The following PCDHA1 variants were observed in gnomAD, a reference collection of about 807,000 sequenced individuals.
PCDHA1 encodes the protein protocadherin alpha 1.
PCDHA1 carries 42 observed loss-of-function variants against 61.3 expected under a neutral mutation model. That is an observed-to-expected ratio of 0.69 (90% CI 0.54 to 0.89). PCDHA1 has a LOEUF of 0.89. Among genes scored for constraint, PCDHA1 ranks in the 40% least tolerant of loss-of-function variants. PCDHA1 has a pLI of 0.00. For missense variants in PCDHA1, 1,256 were observed against 1,235.3 expected, an observed-to-expected ratio of 1.02 and a Z score of -0.25; for synonymous variants, 610 against 553.8, an observed-to-expected ratio of 1.10 and a Z score of -1.43.
intron 3 of PCDHA1, among the ~76,000 whole-genome samples, chr5:140,991,989 G>A (rs782528431): frequency 1.3e-5 from 2 of 151,180 alleles, no homozygotes; most frequent in African/African-American, 4.9e-5. Flanking sequence ...CCTACCACCC[G>A]GTCTTTCATG....
At chr5:140,797,013 G>A (rs782494955) in intron 1 of PCDHA1, 2 of 1,613,634 alleles carry the variant, frequency 1.2e-6, no homozygotes, top group Admixed American at 1.7e-5. Flanking sequence ...CGCGGGCGTG[G>A]GTGGGCGCCG....
At chr5:140,836,283 A>T (rs2150256812) in intron 1 of PCDHA1, 1 of 1,613,716 alleles carries the variant, frequency 6.2e-7, no homozygotes, top group South Asian at 1.1e-5. Context: ...GATCAGCACG[A>T]CACGAGCCCT....
chr5:140,898,138 T>C (rs1294129650), intron 1 of PCDHA1, among the ~76,000 whole-genome samples: 1 of 152,208 alleles, frequency 6.6e-6, no homozygotes, highest in African/African-American at 2.4e-5. Flanking sequence ...ATTTTGTAGG[T>C]TGCCTGTTCA....
chr5:141,010,285 C>G lies in PCDHA1; in HGVS notation c.*348C>G, dbSNP rs1214485732. ...CTCCGGGGATCCTGTCTTGATGACA[C>G]TTGCAGGGCAGGCTGAAAAGTTTTG... On this transcript the variant is annotated 3_prime_UTR_variant, in exon 4 of 4. Transcript: ENST00000504120. 1.3e-6 allele frequency: 2 copies of G among 1,550,576 alleles called. No individual in the cohort carries two copies. Among genetic ancestry groups the G allele is most frequent in the Non-Finnish European group, 1.7e-6 (2 of 1,146,690 alleles).
chr5:140,815,803 A>T (rs1229333055), intron 1 of PCDHA1: 1 of 152,124 alleles, frequency 6.6e-6, no homozygotes, highest in Non-Finnish European at 1.5e-5. Flanking sequence ...TTTAACTGGG[A>T]AGGTCTTTAT....
chr5:140,881,488 AT>A (rs1193131425), intron 1 of PCDHA1: 4 of 334,526 alleles, frequency 1.2e-5, no homozygotes, highest in African/African-American at 8.9e-5. Flanking sequence ...TATTGTGTTT[AT>A]GCACATACAC....
chr5:140,843,887 A>T, intron 1 of PCDHA1: 2 of 705,148 alleles, frequency 2.8e-6, no homozygotes, highest in Non-Finnish European at 4.7e-6. Context: ...ATAATACAGT[A>T]TTAATCATTC....
chr5:140,976,287 AAGCCTGTAATCCC>A (rs1253731489), intron 1 of PCDHA1, among the ~76,000 whole-genome samples: 3 of 152,196 alleles, frequency 2.0e-5, no homozygotes, highest in Admixed American at 6.5e-5. Flanking sequence ...ACAGTGGCTC[AAGCCTGTAATCCC>A]AGCACTTTGG....
At chr5:140,870,817 G>A in intron 1 of PCDHA1, 6 of 1,613,726 alleles carry the variant, frequency 3.7e-6, no homozygotes, top group Non-Finnish European at 5.1e-6. Context: ...GGCTGGCAGC[G>A]CGGGAGGCGC....
chr5:140,843,140 C>G (rs1432182351), intron 1 of PCDHA1: 1 of 1,595,908 alleles, frequency 6.3e-7, no homozygotes, highest in Non-Finnish European at 8.6e-7. Context: ...CAACGCGTGG[C>G]TTTCGTATGA....
At chr5:140,836,507 C>T (rs1412547967) in intron 1 of PCDHA1, 3 of 1,613,748 alleles carry the variant, frequency 1.9e-6, no homozygotes, top group Non-Finnish European at 2.5e-6. Flanking sequence ...GCGCGGTGTC[C>T]AGTCTGTTGG....
intron 1 of PCDHA1, chr5:140,852,862 T>C (rs1477791467): frequency 2.1e-6 from 2 of 960,286 alleles, no homozygotes; most frequent in East Asian, 1.1e-4. Context: ...GCATTTACTA[T>C]GTCATCAATA....
intron 1 of PCDHA1, chr5:140,829,457 G>T (rs2150168279): frequency 1.2e-6 from 2 of 1,613,878 alleles, no homozygotes; most frequent in Non-Finnish European, 1.7e-6. Flanking sequence ...TCCGGCGTTC[G>T]CGCAGCCCGA....
chr5:140,841,146 C>T, intron 1 of PCDHA1: 1 of 755,204 alleles, frequency 1.3e-6, no homozygotes, highest in Non-Finnish European at 2.1e-6. Flanking sequence ...CACATGATGT[C>T]GCTGTCTACC....
chr5:140,972,295 G>A (rs551210883), intron 1 of PCDHA1, among the ~76,000 whole-genome samples: 2 of 151,388 alleles, frequency 1.3e-5, no homozygotes, highest in South Asian at 2.1e-4. Context: ...GTGCGCCACC[G>A]TGTCTGACTA....
intron 1 of PCDHA1, among the ~76,000 whole-genome samples, chr5:140,938,510 A>G (rs2092097687): frequency 6.6e-6 from 1 of 151,662 alleles, no homozygotes; most frequent in Non-Finnish European, 1.5e-5. Context: ...TTTATCACAT[A>G]TTTTCTGTTA....
intron 1 of PCDHA1, among the ~76,000 whole-genome samples, chr5:140,947,509 T>C (rs1358803536): frequency 2.6e-5 from 4 of 151,722 alleles, no homozygotes; most frequent in Non-Finnish European, 4.4e-5. Flanking sequence ...AATTTTCATA[T>C]AAATTTTAGA....
At position 140,786,803 on chromosome 5, in the gene PCDHA1, G is replaced by A. The variant is rs781835560; in HGVS notation, c.513G>A (p.Thr171=). Residue 171 remains threonine, a synonymous_variant, in exon 1 of 4, where the codon ACG becomes ACA. Coordinates refer to ENST00000504120, the MANE Select transcript of PCDHA1 (RefSeq NM_018900.4). ...DIGANALLTY[T]LSPSDYFSLD... ...GTGCTAACGCTCTTCTAACGTACAC[G>A]CTCAGCCCGAGTGATTATTTCTCTT... 1 of 1,614,166 alleles carries A rather than the reference G, an allele frequency of 6.2e-7. No individual in the cohort carries two copies. Among genetic ancestry groups the A allele is most frequent in the South Asian group, 1.1e-5 (1 of 91,080 alleles).
chr5:140,976,990 A>G (rs1162326000), intron 1 of PCDHA1, among the ~76,000 whole-genome samples: 1 of 152,228 alleles, frequency 6.6e-6, no homozygotes. Flanking sequence ...TCTTACTGCC[A>G]TAAGAAATCT....
Sources: allele counts gnomAD v4.1 joint callset (sites outside exome capture counted in the v4.1 genomes callset), GRCh38; gene constraint gnomAD v4.1.1; transcripts MANE v1.5; gene names NCBI Gene and HGNC (gene_info 2026-07-23, HGNC 2026-07-21).